The following LIN52 variants were observed in gnomAD, a reference collection of about 807,000 sequenced individuals.
The protein encoded by LIN52 is lin-52 DREAM MuvB core complex component.
Under a neutral mutation model 18.5 loss-of-function variants are expected in LIN52, and 4 were observed. The observed-to-expected ratio is 0.22, with a 90% CI of 0.11 to 0.49. LIN52 has a LOEUF of 0.49. LIN52 is among the 20% of genes least tolerant of loss of function. The pLI is 0.97. For synonymous variants in LIN52, 34 were observed against 45.5 expected (o/e 0.75, Z 1.02); for missense variants, 102 against 139.5 (o/e 0.73, Z 1.35).
chr14:74,155,639 T>C (rs543340558), intron 5 of LIN52, among the ~76,000 whole-genome samples: 1 of 152,326 alleles, frequency 6.6e-6, no homozygotes, highest in South Asian at 2.1e-4. Flanking sequence ...TCCGTCGTAG[T>C]AGAAAATGGC....
At position 74,195,056 on chromosome 14, in the gene LIN52, G is replaced by C. The variant is rs187629808; in HGVS notation, c.284-3866G>C. On this transcript the variant is annotated intron_variant, in intron 5 of 5. Coordinates refer to ENST00000555028, the MANE Select transcript of LIN52 (RefSeq NM_001024674.3). ...AGCTACTTGAGAGACTGTGGCAGGA[G>C]AATCACTTGAACCGGGGAGGCAGAG... 1.1e-4 allele frequency among the ~76,000 whole-genome samples: 16 copies of C among 152,246 alleles called. No individual in the cohort carries two copies. In the East Asian group the frequency reaches 3.1e-3, roughly 29 times the overall value.
At chr14:74,188,360 C>T (rs891929584) in intron 5 of LIN52, among the ~76,000 whole-genome samples, 1 of 151,966 alleles carries the variant, frequency 6.6e-6, no homozygotes, top group African/African-American at 2.4e-5. Flanking sequence ...GTGAATAATA[C>T]CCGCTCACAG....
intron 4 of LIN52, among the ~76,000 whole-genome samples, chr14:74,098,484 C>T (rs914664439): frequency 6.6e-6 from 1 of 151,200 alleles, no homozygotes; most frequent in Non-Finnish European, 1.5e-5. Context: ...CCACTGCACT[C>T]CAGCCTGGCT....
At position 74,148,741 on chromosome 14, in the gene LIN52, GA is replaced by G. The variant is rs76723467; in HGVS notation, c.283+47513del. Reference sequence around the variant, plus strand: ...GTATCCCAGTTTGTTAGGTTAGACAGAAAAAAAAAATTGCTTGATTGTCTAT... The same window carrying G: ...GTATCCCAGTTTGTTAGGTTAGACAGAAAAAAAAATTGCTTGATTGTCTAT... On this transcript the variant is annotated intron_variant, in intron 5 of 5. Coordinates refer to ENST00000555028, the MANE Select transcript of LIN52 (RefSeq NM_001024674.3). Among the ~76,000 whole-genome samples the G allele has an allele frequency of 5.0e-4, 75 of 150,458 alleles. 1 individual carries two copies. The East Asian group carries it at 0.01, about 21-fold the overall frequency.
At chr14:74,183,769 A>G (rs570199623) in intron 5 of LIN52, among the ~76,000 whole-genome samples, 1 of 152,256 alleles carries the variant, frequency 6.6e-6, no homozygotes, top group East Asian at 1.9e-4. Flanking sequence ...CAAATCCTAG[A>G]TGTCATACCA....
At chr14:74,114,335 A>T (rs1566851473) in intron 5 of LIN52, 1 of 985,366 alleles carries the variant, frequency 1.0e-6, no homozygotes. Context: ...GCATTGGTGC[A>T]CAGGATAGAG....
chr14:74,178,434 A>G (rs2061302651), intron 5 of LIN52, among the ~76,000 whole-genome samples: 1 of 151,730 alleles, frequency 6.6e-6, no homozygotes, highest in Non-Finnish European at 1.5e-5. Context: ...TGGGGACTTA[A>G]TTAATAAGTA....
chr14:74,126,036 TAA>T (rs35775748), intron 5 of LIN52, among the ~76,000 whole-genome samples: 1 of 140,412 alleles, frequency 7.1e-6, no homozygotes, highest in African/African-American at 2.6e-5. Context: ...CTTAAAGTAT[TAA>T]AAAAAAAAAA....
intron 5 of LIN52, among the ~76,000 whole-genome samples, chr14:74,118,323 A>T (rs1172650315): frequency 6.6e-6 from 1 of 152,222 alleles, no homozygotes; most frequent in African/African-American, 2.4e-5. Context: ...TTCAGAATAT[A>T]AAAATATTCT....
At chr14:74,195,315 C>T (rs2078905315) in intron 5 of LIN52, among the ~76,000 whole-genome samples, 1 of 152,056 alleles carries the variant, frequency 6.6e-6, no homozygotes, top group Non-Finnish European at 1.5e-5. Context: ...AACATGTAGT[C>T]TTACTCTGGC....
At chr14:74,173,966 T>A (rs981888503) in intron 5 of LIN52, among the ~76,000 whole-genome samples, 2 of 152,228 alleles carry the variant, frequency 1.3e-5, no homozygotes, top group African/African-American at 4.8e-5. Context: ...GAGGTGCCTT[T>A]GTCTTTAGTG....
At chr14:74,198,465 A>C (rs1290927161) in intron 5 of LIN52, among the ~76,000 whole-genome samples, 1 of 152,212 alleles carries the variant, frequency 6.6e-6, no homozygotes, top group Non-Finnish European at 1.5e-5. Context: ...CCAGGGACTA[A>C]CACTGCTGAG....
intron 5 of LIN52, among the ~76,000 whole-genome samples, chr14:74,173,393 G>A (rs1052646406): frequency 2.6e-5 from 4 of 152,090 alleles, no homozygotes; most frequent in African/African-American, 9.7e-5. Context: ...CTCCATGTTG[G>A]TCAGGCTCGT....
At chr14:74,188,980 C>G (rs2061351747) in intron 5 of LIN52, among the ~76,000 whole-genome samples, 1 of 152,150 alleles carries the variant, frequency 6.6e-6, no homozygotes, top group Non-Finnish European at 1.5e-5. Context: ...GCTGCCAGCC[C>G]CTTGAAGTCA....
chr14:74,197,920 C>T (rs1431006014), intron 5 of LIN52, among the ~76,000 whole-genome samples: 1 of 152,194 alleles, frequency 6.6e-6, no homozygotes, highest in East Asian at 1.9e-4. Context: ...CCTTCTCATT[C>T]CTGAGAGTGC....
intron 5 of LIN52, among the ~76,000 whole-genome samples, chr14:74,145,301 T>C (rs1470406428): frequency 2.0e-5 from 3 of 152,230 alleles, no homozygotes; most frequent in Non-Finnish European, 2.9e-5. Flanking sequence ...TTTTCAGTTC[T>C]TCCATATTAC....
At chr14:74,128,772 T>C (rs1157709549) in intron 5 of LIN52, among the ~76,000 whole-genome samples, 2 of 152,054 alleles carry the variant, frequency 1.3e-5, no homozygotes, top group African/African-American at 4.8e-5. Flanking sequence ...TAAAACCTCG[T>C]CTCTACTAAA....
chr14:74,117,537 G>A (rs1013759530), intron 5 of LIN52, among the ~76,000 whole-genome samples: 4 of 152,044 alleles, frequency 2.6e-5, no homozygotes, highest in Non-Finnish European at 4.4e-5. Context: ...GAGAACTAAA[G>A]TGATTACAAA....
chr14:74,116,510 A>C (rs1281803699), intron 5 of LIN52, among the ~76,000 whole-genome samples: 3 of 152,246 alleles, frequency 2.0e-5, no homozygotes, highest in Admixed American at 1.3e-4. Flanking sequence ...GTTCGAGACC[A>C]GCCTGGCCAA....
Sources: gnomAD v4.1 joint callset for allele counts (sites outside exome capture counted in the v4.1 genomes callset) on GRCh38, gnomAD v4.1.1 for gene constraint, MANE v1.5 for transcripts, NCBI Gene and HGNC (gene_info 2026-07-23, HGNC 2026-07-21) for gene names.